Variants in PDE1C observed in about 807,000 individuals in gnomAD.
PDE1C encodes the protein dual specificity calcium/calmodulin-dependent 3',5'-cyclic nucleotide phosphodiesterase 1C.
Under a neutral mutation model 93.1 loss-of-function variants are expected in PDE1C, and 62 were observed. The observed-to-expected ratio is 0.67, with a 90% confidence interval of 0.54 to 0.82. PDE1C has a LOEUF of 0.82. Ranked by LOEUF, PDE1C falls within the 40% of genes least tolerant of loss-of-function variation. The pLI is 0.00. For synonymous variants in PDE1C, 325 were observed against 310.1 expected (o/e 1.05, Z -0.50); for missense variants, 742 against 884.6 (o/e 0.84, Z 2.04).
chr7:32,183,890 C>G (rs1452712174), intron 2 of PDE1C, among the ~76,000 whole-genome samples: 7 of 151,992 alleles, frequency 4.6e-5, no homozygotes, highest in South Asian at 4.2e-4. Flanking sequence ...GAAAATTTTC[C>G]CAACCTACTC....
chr7:31,861,281 T>C (rs1335211856), intron 7 of PDE1C, among the ~76,000 whole-genome samples: 2 of 152,176 alleles, frequency 1.3e-5, no homozygotes, highest in Non-Finnish European at 2.9e-5. Flanking sequence ...GCTCTAATTC[T>C]TTGCCTTCAT....
At chr7:31,655,865 C>T in the PDE1C span, 20 of 985,398 alleles carry the variant, frequency 2.0e-5, no homozygotes, top group Non-Finnish European at 2.2e-5. Flanking sequence ...GTAACGCCTA[C>T]GGAATGAAGA....
At chr7:31,654,104 A>G in the PDE1C span, among the ~76,000 whole-genome samples, 1 of 151,388 alleles carries the variant, frequency 6.6e-6, no homozygotes, top group Non-Finnish European at 1.5e-5. Flanking sequence ...TCCTGAAAAG[A>G]GCCTCAGAAG....
intron 1 of PDE1C, among the ~76,000 whole-genome samples, chr7:32,318,498 G>A (rs1783219359): frequency 6.6e-6 from 1 of 152,204 alleles, no homozygotes; most frequent in Non-Finnish European, 1.5e-5. Context: ...CGCTGGCTGG[G>A]TGCCCGCCAC....
At chr7:32,412,908 G>A (rs374790989) in intron 1 of PDE1C, among the ~76,000 whole-genome samples, 22,341 of 151,282 alleles carry the variant, frequency 0.15, 3,197 homozygotes, top group African/African-American at 0.37. Context: ...ACATAGCACG[G>A]AAAAAAAAAT....
In PDE1C at chr7:31,842,308, T is replaced by C. The variant is rs142526194; in HGVS notation, c.981-4337A>G. On this transcript the variant is annotated intron_variant, in intron 9 of 17. Transcript: ENST00000396191. The stretch of plus-strand genomic sequence containing the variant: ...AGAGTGTGGTATCAAAATTATGTCT[T>C]ATAAAACAAATTGCACAGTATTTCT... 5.1e-4 allele frequency among the ~76,000 whole-genome samples: 78 copies of C among 152,274 alleles called. 1 individual carries two copies. In the South Asian group the frequency reaches 0.012, roughly 24 times the overall value.
At chr7:31,706,493 A>G in the PDE1C span, among the ~76,000 whole-genome samples, 1 of 152,226 alleles carries the variant, frequency 6.6e-6, no homozygotes, top group Non-Finnish European at 1.5e-5. Context: ...GTGAAGGCAT[A>G]CAGTTGTATG....
At chr7:31,777,385 G>C (rs1208887680) in intron 16 of PDE1C, among the ~76,000 whole-genome samples, 1 of 152,098 alleles carries the variant, frequency 6.6e-6, no homozygotes, top group Non-Finnish European at 1.5e-5. Context: ...CTGGAGTGCA[G>C]TGATGCGATC....
intron 1 of PDE1C, among the ~76,000 whole-genome samples, chr7:32,298,152 T>A (rs1340450172): frequency 1.3e-5 from 2 of 151,138 alleles, no homozygotes; most frequent in South Asian, 4.2e-4. Flanking sequence ...TGTCACTCTA[T>A]TAGTCTGTCT....
chr7:32,040,540 G>A (rs180907816), intron 2 of PDE1C, among the ~76,000 whole-genome samples: 1 of 152,244 alleles, frequency 6.6e-6, no homozygotes, highest in East Asian at 1.9e-4. Context: ...CTGGCTTAGA[G>A]AAATAAAGTA....
chr7:31,732,550 T>C, the PDE1C span, among the ~76,000 whole-genome samples: 2 of 152,104 alleles, frequency 1.3e-5, no homozygotes, highest in Admixed American at 1.3e-4. Flanking sequence ...ATACCTGGCC[T>C]ACCCTTTGGA....
intron 2 of PDE1C, among the ~76,000 whole-genome samples, chr7:31,935,061 T>C (rs200034408): frequency 7.4e-5 from 4 of 54,314 alleles, no homozygotes; most frequent in Non-Finnish European, 2.7e-4. Flanking sequence ...TGTTTTTATC[T>C]TATAACCTTC....
chr7:31,729,650 A>T, the PDE1C span, among the ~76,000 whole-genome samples: 1 of 152,176 alleles, frequency 6.6e-6, no homozygotes. Flanking sequence ...CCTGATTCAC[A>T]CTGAGAATGT....
exon 1 of PDE1C, chr7:32,298,830 T>A: frequency 6.9e-7 from 1 of 1,458,624 alleles, no homozygotes; most frequent in Non-Finnish European, 9.0e-7. Flanking sequence ...CGGCGGCGAA[T>A]CCTCCCCCGG....
intron 3 of PDE1C, among the ~76,000 whole-genome samples, chr7:32,097,421 A>G (rs1321326679): frequency 6.6e-6 from 1 of 152,172 alleles, no homozygotes; most frequent in Non-Finnish European, 1.5e-5. Context: ...TGACAACCCA[A>G]CTCCAGGGCT....
At chr7:31,676,519 T>C in the PDE1C span, among the ~76,000 whole-genome samples, 11 of 152,142 alleles carry the variant, frequency 7.2e-5, no homozygotes, top group South Asian at 1.7e-3. Context: ...AATGAAAACA[T>C]TGCATATCAG....
chr7:32,209,457 A>C (rs775708386), intron 2 of PDE1C: 5 of 1,542,414 alleles, frequency 3.2e-6, no homozygotes, highest in Non-Finnish European at 4.4e-6. Flanking sequence ...TCTGATGGAG[A>C]CCAGGAAAGG....
chr7:32,262,864 C>T (rs558653108), intron 1 of PDE1C, among the ~76,000 whole-genome samples: 214 of 152,316 alleles, frequency 1.4e-3, no homozygotes, highest in African/African-American at 5.0e-3. Flanking sequence ...AGGGGCTAAA[C>T]CTTCTACCTA....
the PDE1C span, among the ~76,000 whole-genome samples, chr7:31,732,465 G>T: frequency 5.6e-3 from 852 of 152,262 alleles, 8 homozygotes; most frequent in African/African-American, 0.019. Context: ...GGTCTTAAGA[G>T]CGAAGACTGA....
Sources: gnomAD v4.1 joint callset for allele counts (sites outside exome capture counted in the v4.1 genomes callset) on GRCh38, gnomAD v4.1.1 for gene constraint, MANE v1.5 for transcripts, NCBI Gene and HGNC (gene_info 2026-07-23, HGNC 2026-07-21) for gene names.